Variants in PHLDB2 observed in about 807,000 individuals in gnomAD.
The protein encoded by PHLDB2 is pleckstrin homology like domain family B member 2.
PHLDB2 carries 71 observed loss-of-function variants against 123.6 expected under a neutral mutation model. The observed-to-expected ratio is 0.57, with a 90% CI of 0.47 to 0.70. PHLDB2 has a LOEUF of 0.70. PHLDB2 is among the 30% of genes least tolerant of loss of function. PHLDB2 has a pLI of 0.00. For missense variants in PHLDB2, 1,446 were observed against 1,519.5 expected (o/e 0.95, Z 0.80); for synonymous variants, 547 against 541.6 (o/e 1.01, Z -0.14).
chr3:111,816,885 G>C (rs1402980719), intron 1 of PHLDB2, among the ~76,000 whole-genome samples: 1 of 152,194 alleles, frequency 6.6e-6, no homozygotes, highest in African/African-American at 2.4e-5. Context: ...CCAGTGGGAG[G>C]TGATTGAATT....
At chr3:111,740,365 A>C (rs1183652479) in intron 1 of PHLDB2, among the ~76,000 whole-genome samples, 9 of 152,148 alleles carry the variant, frequency 5.9e-5, no homozygotes, top group African/African-American at 1.7e-4. Flanking sequence ...TGAGAGAGAG[A>C]GAGAGAGAGA....
In PHLDB2 at chr3:111,797,194, T is replaced by A. The variant is rs375938540; in HGVS notation, c.-48-48627T>A. Among the ~76,000 whole-genome samples the A allele has an allele frequency of 7.9e-5, 12 of 152,360 alleles. 1 individual carries two copies. The highest frequency in any genetic ancestry group is 5.8e-4 in the East Asian group (3 of 5,196). On this transcript the variant is annotated intron_variant, in intron 1 of 17. Transcript: ENST00000393923. Reference sequence around the variant, plus strand: ...TCATTCTTAGCATTGCCACAATATGTCATTATCTATGTGTTGACGTGATTA... The same window carrying A: ...TCATTCTTAGCATTGCCACAATATGACATTATCTATGTGTTGACGTGATTA...
intron 3 of PHLDB2, chr3:111,914,778 T>A (rs1205241997): frequency 6.6e-6 from 1 of 152,168 alleles, no homozygotes. Context: ...TCATAAGTAC[T>A]ATTTAGTCTT....
intron 5 of PHLDB2, among the ~76,000 whole-genome samples, chr3:111,929,283 A>AT (rs200314732): frequency 6.6e-6 from 1 of 151,850 alleles, no homozygotes; most frequent in Non-Finnish European, 1.5e-5. Context: ...TTTTTAATTC[A>AT]TTTTTTTTCC....
At chr3:111,803,107 G>T (rs2061438821) in intron 1 of PHLDB2, among the ~76,000 whole-genome samples, 1 of 152,148 alleles carries the variant, frequency 6.6e-6, no homozygotes, top group Non-Finnish European at 1.5e-5. Flanking sequence ...AGTCTATATG[G>T]CCATCTCTCT....
intron 1 of PHLDB2, among the ~76,000 whole-genome samples, chr3:111,814,110 T>A (rs1046339859): frequency 2.6e-5 from 4 of 152,168 alleles, no homozygotes; most frequent in African/African-American, 9.7e-5. Flanking sequence ...AAACGTGGGA[T>A]ACACCACTGT....
intron 1 of PHLDB2, among the ~76,000 whole-genome samples, chr3:111,798,431 C>T (rs1223629583): frequency 6.6e-6 from 1 of 152,140 alleles, no homozygotes; most frequent in Non-Finnish European, 1.5e-5. Context: ...CTTGTGTTTA[C>T]TTTTCATACT....
At chr3:111,873,131 G>C (rs1461424085) in intron 1 of PHLDB2, among the ~76,000 whole-genome samples, 5 of 152,182 alleles carry the variant, frequency 3.3e-5, no homozygotes, top group Non-Finnish European at 1.5e-5. Context: ...TTTCTAAGAT[G>C]TGGTTTATTA....
At chr3:111,916,099 T>C (rs1023409659) in intron 3 of PHLDB2, 1 of 152,264 alleles carries the variant, frequency 6.6e-6, no homozygotes. Context: ...GAGAGGGCTA[T>C]GACAAGAATG....
At chr3:111,824,272 G>C (rs929796483) in intron 1 of PHLDB2, among the ~76,000 whole-genome samples, 9 of 152,096 alleles carry the variant, frequency 5.9e-5, no homozygotes, top group Admixed American at 2.0e-4. Context: ...TTTCACAGTG[G>C]TTTTCTTCCT....
intron 1 of PHLDB2, among the ~76,000 whole-genome samples, chr3:111,830,575 C>T (rs1048161652): frequency 2.0e-5 from 3 of 148,302 alleles, no homozygotes; most frequent in Admixed American, 6.7e-5. Flanking sequence ...TTTGGGAGGC[C>T]GAGGCGGGCG....
chr3:111,866,362 T>C (rs1576935671), intron 1 of PHLDB2, among the ~76,000 whole-genome samples: 2 of 152,140 alleles, frequency 1.3e-5, no homozygotes, highest in East Asian at 3.9e-4. Flanking sequence ...ATTACAAACA[T>C]GGAAGATGTG....
At chr3:111,894,931 C>CGT (rs140190800) in intron 2 of PHLDB2, among the ~76,000 whole-genome samples, 53,705 of 149,788 alleles carry the variant, frequency 0.36, 9,529 homozygotes, top group Middle Eastern at 0.5. Flanking sequence ...TGCTGGTTTG[C>CGT]GTGTGTGTGT....
At chr3:111,801,539 G>A (rs1365558264) in intron 1 of PHLDB2, among the ~76,000 whole-genome samples, 16 of 152,098 alleles carry the variant, frequency 1.1e-4, no homozygotes, top group Admixed American at 1.0e-3. Context: ...GAATAAATGT[G>A]TCCCAAGAGC....
At chr3:111,906,400 C>T (rs1209917261) in intron 2 of PHLDB2, among the ~76,000 whole-genome samples, 2 of 152,120 alleles carry the variant, frequency 1.3e-5, no homozygotes, top group African/African-American at 2.4e-5. Context: ...ATAGCTTGGC[C>T]AGGGTCACAC....
intron 1 of PHLDB2, among the ~76,000 whole-genome samples, chr3:111,878,499 C>G (rs2107298038): frequency 6.6e-6 from 1 of 152,346 alleles, no homozygotes; most frequent in African/African-American, 2.4e-5. Flanking sequence ...CATCTGCAAA[C>G]AGAGACAATT....
chr3:111,891,257 C>T (rs1451359592), intron 2 of PHLDB2, among the ~76,000 whole-genome samples: 4 of 152,130 alleles, frequency 2.6e-5, no homozygotes, highest in African/African-American at 9.7e-5. Flanking sequence ...GGAATGGGGC[C>T]GCAGAGCAGG....
At chr3:111,789,261 A>G (rs2060814866) in intron 1 of PHLDB2, among the ~76,000 whole-genome samples, 1 of 152,186 alleles carries the variant, frequency 6.6e-6, no homozygotes, top group Non-Finnish European at 1.5e-5. Context: ...AAAAGACTAT[A>G]GACTCCAATA....
At chr3:111,937,832 G>A (rs960668460) in intron 6 of PHLDB2, among the ~76,000 whole-genome samples, 16 of 148,466 alleles carry the variant, frequency 1.1e-4, no homozygotes, top group African/African-American at 3.9e-4. Flanking sequence ...CTAAACATAC[G>A]CGATTTATAA....
Sources: gnomAD v4.1 joint callset for allele counts (sites outside exome capture counted in the v4.1 genomes callset) on GRCh38, gnomAD v4.1.1 for gene constraint, MANE v1.5 for transcripts, NCBI Gene and HGNC (gene_info 2026-07-23, HGNC 2026-07-21) for gene names.